The following BMPR1A variants were observed in gnomAD, a reference collection of about 807,000 sequenced individuals.
The protein encoded by BMPR1A is bone morphogenetic protein receptor type-1A.
In BMPR1A, 7 loss-of-function variants were observed where a neutral mutation model predicts 66.0. That is an observed-to-expected ratio of 0.11 (90% CI 0.06 to 0.20). BMPR1A has a LOEUF of 0.20. BMPR1A is among the 10% of genes least tolerant of loss of function. The probability of loss-of-function intolerance (pLI) is 1.00; values close to 1 mark genes in which losing one functional copy is unlikely to be tolerated. For missense variants in BMPR1A, 408 were observed against 669.1 expected, an observed-to-expected ratio of 0.61 and a Z score of 4.31; for synonymous variants, 200 against 229.7, an observed-to-expected ratio of 0.87 and a Z score of 1.17.
chr10:86,909,895 G>T (rs144433467), intron 7 of BMPR1A, among the ~76,000 whole-genome samples: 2,840 of 151,918 alleles, frequency 0.019, 37 homozygotes, highest in Admixed American at 0.029. Context: ...TCATATGTTG[G>T]TGGAGGGATT....
chr10:86,856,212 T>C, intron 2 of BMPR1A: 1 of 525,962 alleles, frequency 1.9e-6, no homozygotes, highest in Admixed American at 2.0e-5. Context: ...TACATCGTTG[T>C]AGTGAGCAGG....
intron 1 of BMPR1A, among the ~76,000 whole-genome samples, chr10:86,819,018 A>C (rs1281239819): frequency 6.6e-6 from 1 of 152,222 alleles, no homozygotes; most frequent in African/African-American, 2.4e-5. Flanking sequence ...TTTGGGGATG[A>C]AATGCGGTAA....
At chr10:86,804,334 G>T (rs1841855380) in intron 1 of BMPR1A, among the ~76,000 whole-genome samples, 1 of 152,116 alleles carries the variant, frequency 6.6e-6, no homozygotes, top group African/African-American at 2.4e-5. Context: ...CCACCTCGTG[G>T]GTTCAAGTGA....
intron 1 of BMPR1A, among the ~76,000 whole-genome samples, chr10:86,772,749 G>T (rs146146855): frequency 2.0e-3 from 307 of 152,144 alleles, no homozygotes; most frequent in Middle Eastern, 0.014. Flanking sequence ...AATTGGTTAT[G>T]GCATGTAGAC....
chr10:86,924,894 T>G lies in BMPR1A; in HGVS notation c.*1175T>G. The G allele has an allele frequency of 4.3e-6, 1 of 232,190 alleles. No homozygotes were observed. The highest frequency in any genetic ancestry group is 1.8e-4 in the South Asian group (1 of 5,520). 14.4% of individuals were successfully genotyped at this position (232,190 alleles called of 1,614,324 possible). A position where few individuals can be genotyped will look rare whatever the true frequency, so the allele number is the denominator to read the frequency against. ...GAATTAATGCATTCAAAGTAATATATCAAATCCAGGACTTTGTTAACTTCA... is the reference window on the plus strand; with the variant it reads ...GAATTAATGCATTCAAAGTAATATAGCAAATCCAGGACTTTGTTAACTTCA... On this transcript the variant is annotated 3_prime_UTR_variant, in exon 13 of 13. Transcript: ENST00000372037.
At chr10:86,772,823 T>C (rs74153405) in intron 1 of BMPR1A, among the ~76,000 whole-genome samples, 9,291 of 152,184 alleles carry the variant, frequency 0.061, 934 homozygotes, top group African/African-American at 0.21. Flanking sequence ...CCCTCCTGAT[T>C]GCAAAAATAA....
chr10:86,772,964 A>C (rs1443138177), intron 1 of BMPR1A, among the ~76,000 whole-genome samples: 1 of 152,126 alleles, frequency 6.6e-6, no homozygotes, highest in African/African-American at 2.4e-5. Context: ...AAAATTCTAC[A>C]ATGTTTCTAC....
chr10:86,932,744 G>T (rs1023931602), downstream of BMPR1A: 22 of 152,358 alleles, frequency 1.4e-4, no homozygotes, highest in African/African-American at 5.1e-4. Context: ...ATAACAGGGT[G>T]CAGAGGCTGA....
In BMPR1A at chr10:86,900,124, C is replaced by A. The variant is rs770387084; in HGVS notation, c.528C>A (p.Tyr176Ter). Reference sequence around the variant, plus strand: ...TCATCTTCTCCAGCTGCTTTTGTTACAAGTAAGAAGATATTTATTTTGAAG... The same window carrying A: ...TCATCTTCTCCAGCTGCTTTTGTTAAAAGTAAGAAGATATTTATTTTGAAG... ...AMIIFSSCFC[Y>*]KHYCKSISSR... The change falls in exon 7 of 13, where the codon TAC (tyrosine) becomes TAA (stop). Residue 176 changes from tyrosine to a stop codon, truncating the protein, a stop_gained and splice_region_variant. Coordinates refer to ENST00000372037, the MANE Select transcript of BMPR1A (RefSeq NM_004329.3). LOFTEE classifies it high-confidence loss of function. The A allele has an allele frequency of 1.2e-6, 2 of 1,613,084 alleles. No individual in the cohort carries two copies. Among genetic ancestry groups the A allele is most frequent in the Non-Finnish European group, 8.5e-7 (1 of 1,179,850 alleles).
chr10:86,828,155 G>GA (rs1225182758), intron 1 of BMPR1A, among the ~76,000 whole-genome samples: 1 of 152,040 alleles, frequency 6.6e-6, no homozygotes, highest in East Asian at 1.9e-4. Context: ...CTGTCTCAAG[G>GA]AAAAAATTGC....
intron 2 of BMPR1A, among the ~76,000 whole-genome samples, chr10:86,871,578 T>C (rs1842856192): frequency 6.6e-6 from 1 of 152,120 alleles, no homozygotes; most frequent in Non-Finnish European, 1.5e-5. Context: ...TTGGGAGGTT[T>C]AGGCGGGTGG....
In BMPR1A at chr10:86,905,717, GACCCT is replaced by G. The variant is rs551678608; in HGVS notation, c.530+5592_530+5596del. Among the ~76,000 whole-genome samples, 138 of 151,676 alleles carry G rather than the reference GACCCT, an allele frequency of 9.1e-4. 3 individuals are homozygous for G. In the South Asian group the frequency reaches 0.027, roughly 30 times the overall value. On this transcript the variant is annotated intron_variant, in intron 7 of 12. Transcript: ENST00000372037. ...AAAGCCTGCTTCTGGCTTTATAATG[GACCCT>G]TTATCCTCATTGTCTTTAGGGGACT...
At chr10:86,877,087 C>T (rs1025627411) in intron 3 of BMPR1A, among the ~76,000 whole-genome samples, 2 of 152,066 alleles carry the variant, frequency 1.3e-5, no homozygotes, top group Non-Finnish European at 2.9e-5. Flanking sequence ...TGGATGTCTT[C>T]GTTCTCAAGT....
intron 3 of BMPR1A, among the ~76,000 whole-genome samples, chr10:86,886,542 A>T (rs1458986175): frequency 6.6e-6 from 1 of 152,192 alleles, no homozygotes; most frequent in Non-Finnish European, 1.5e-5. Flanking sequence ...GAGGCAAATC[A>T]AGAGTTCATT....
intron 2 of BMPR1A, among the ~76,000 whole-genome samples, chr10:86,866,560 C>CA (rs1842790894): frequency 6.6e-6 from 1 of 151,626 alleles, no homozygotes; most frequent in Non-Finnish European, 1.5e-5. Flanking sequence ...AGGTGCCTGC[C>CA]ACCACGCCTG....
At chr10:86,899,449 C>G (rs1209078002) in intron 5 of BMPR1A, among the ~76,000 whole-genome samples, 1 of 152,234 alleles carries the variant, frequency 6.6e-6, no homozygotes, top group Non-Finnish European at 1.5e-5. Flanking sequence ...TGGACTACGA[C>G]ACCCTCCACT....
intron 2 of BMPR1A, among the ~76,000 whole-genome samples, chr10:86,862,239 G>A (rs1842721173): frequency 6.6e-6 from 1 of 152,188 alleles, no homozygotes; most frequent in South Asian, 2.1e-4. Flanking sequence ...TTTAAATAGG[G>A]TGGGCAGGAA....
chr10:86,855,547 A>G (rs982320121), intron 2 of BMPR1A: 1 of 460,988 alleles, frequency 2.2e-6, no homozygotes, highest in African/African-American at 2.0e-5. Context: ...TTTTTTGAAA[A>G]TAGTATTTCT....
At chr10:86,781,957 C>A (rs1319315349) in intron 1 of BMPR1A, among the ~76,000 whole-genome samples, 1 of 149,222 alleles carries the variant, frequency 6.7e-6, no homozygotes, top group African/African-American at 2.5e-5. Flanking sequence ...ACCCCCGCCT[C>A]CCAGGTTCAA....
Sources: allele counts gnomAD v4.1 joint callset (sites outside exome capture counted in the v4.1 genomes callset), GRCh38; gene constraint gnomAD v4.1.1; transcripts MANE v1.5; gene names NCBI Gene and HGNC (gene_info 2026-07-23, HGNC 2026-07-21).